UST: variants seen among roughly 807,000 people sequenced by gnomAD.
The protein encoded by UST is uronyl 2-sulfotransferase.
A neutral mutation model predicts 45.6 loss-of-function variants in UST; 21 were observed. The ratio of observed to expected loss-of-function variants is 0.46; its 90% confidence interval spans 0.33 to 0.66. The LOEUF (loss-of-function observed/expected upper bound fraction) is 0.66, where lower values mean the gene tolerates loss of function less well. UST is among the 30% of genes least tolerant of loss of function. The pLI is 0.02. For missense variants in UST, 463 were observed against 512.4 expected (o/e 0.90, Z 0.93); for synonymous variants, 215 against 200.6 (o/e 1.07, Z -0.61).
chr6:148,797,658 G>A (rs1166954715), intron 1 of UST, among the ~76,000 whole-genome samples: 2 of 152,230 alleles, frequency 1.3e-5, no homozygotes, highest in African/African-American at 2.4e-5. Flanking sequence ...TGGGAGCGTA[G>A]AGGGGTGGTA....
chr6:149,026,270 C>G (rs183398555), intron 7 of UST, among the ~76,000 whole-genome samples: 2 of 151,820 alleles, frequency 1.3e-5, no homozygotes, highest in African/African-American at 4.8e-5. Context: ...CTATGATGAT[C>G]GCACCCATTG....
At chr6:149,026,776 T>C (rs7748978) in intron 7 of UST, among the ~76,000 whole-genome samples, 109,554 of 152,138 alleles carry the variant, frequency 0.72, 40,204 homozygotes, top group African/African-American at 0.84. Context: ...ATCCTTTTAC[T>C]TTGTGTTTTA....
intron 7 of UST, among the ~76,000 whole-genome samples, chr6:149,052,411 G>A (rs1776500620): frequency 6.6e-6 from 1 of 152,106 alleles, no homozygotes; most frequent in Admixed American, 6.5e-5. Flanking sequence ...TTAATCCTAA[G>A]AACAACCCTG....
chr6:148,824,449 G>A (rs1342867377), intron 1 of UST, among the ~76,000 whole-genome samples: 1 of 152,152 alleles, frequency 6.6e-6, no homozygotes, highest in Admixed American at 6.5e-5. Flanking sequence ...TGAAGACTTA[G>A]ACTGTGCAGT....
intron 7 of UST, among the ~76,000 whole-genome samples, chr6:149,029,484 ATAAT>A (rs1272483079): frequency 2.1e-5 from 3 of 145,578 alleles, no homozygotes; most frequent in Non-Finnish European, 4.5e-5. Flanking sequence ...TAATGTATAT[ATAAT>A]ATATAATGTA....
At chr6:148,793,866 C>T (rs1776898407) in intron 1 of UST, among the ~76,000 whole-genome samples, 1 of 152,064 alleles carries the variant, frequency 6.6e-6, no homozygotes, top group Non-Finnish European at 1.5e-5. Context: ...TTGCATATAC[C>T]ACCTTCCATT....
intron 7 of UST, among the ~76,000 whole-genome samples, chr6:149,043,521 G>C (rs1776357270): frequency 6.6e-6 from 1 of 152,252 alleles, no homozygotes; most frequent in Non-Finnish European, 1.5e-5. Context: ...GAGCATTCCA[G>C]TCTGTGTGGA....
At chr6:148,754,748 T>G (rs1776062766) in intron 1 of UST, among the ~76,000 whole-genome samples, 1 of 152,228 alleles carries the variant, frequency 6.6e-6, no homozygotes, top group African/African-American at 2.4e-5. Flanking sequence ...TTATGTATTG[T>G]TCACTATATT....
intron 5 of UST, among the ~76,000 whole-genome samples, chr6:148,988,877 A>G (rs1348191113): frequency 6.6e-6 from 1 of 152,008 alleles, no homozygotes; most frequent in African/African-American, 2.4e-5. Context: ...GCTCCTGTTA[A>G]TTCACTGATC....
rs202000728 is a variant in UST, at chr6:148,909,167, T to TA, written c.291+22142dup. 5.9e-3 allele frequency among the ~76,000 whole-genome samples: 901 copies of TA among 152,366 alleles called. 9 individuals are homozygous for TA. The highest frequency in any genetic ancestry group is 0.02 in the African/African-American group (844 of 41,582). ...CTCTTTGAGAATAAGTATATTTTGG[T>TA]AAAATTCCTCTTCAGTTCACTTTGT... On this transcript the variant is annotated intron_variant, in intron 2 of 7. Transcript: ENST00000367463.
At chr6:149,024,360 G>C (rs541858741) in intron 7 of UST, among the ~76,000 whole-genome samples, 1 of 152,300 alleles carries the variant, frequency 6.6e-6, no homozygotes, top group African/African-American at 2.4e-5. Context: ...AACTCTCTCA[G>C]CTGCCACACA....
At chr6:148,908,458 C>T (rs1779409667) in intron 2 of UST, among the ~76,000 whole-genome samples, 1 of 152,054 alleles carries the variant, frequency 6.6e-6, no homozygotes, top group Admixed American at 6.5e-5. Context: ...AAATCTTGGG[C>T]GTTTGGTGGT....
intron 1 of UST, among the ~76,000 whole-genome samples, chr6:148,827,443 A>G (rs904034896): frequency 2.6e-5 from 4 of 152,042 alleles, no homozygotes; most frequent in African/African-American, 9.7e-5. Context: ...TCATAGTGAA[A>G]CCTTGTCTCT....
intron 5 of UST, among the ~76,000 whole-genome samples, chr6:148,992,555 A>G (rs1781376232): frequency 6.6e-6 from 1 of 152,206 alleles, no homozygotes; most frequent in African/African-American, 2.4e-5. Flanking sequence ...GCTAGATTAA[A>G]TGGCAAATAC....
At chr6:148,804,438 CT>C (rs1340914437) in intron 1 of UST, among the ~76,000 whole-genome samples, 1 of 152,136 alleles carries the variant, frequency 6.6e-6, no homozygotes, top group East Asian at 1.9e-4. Context: ...TAAGGCCACC[CT>C]TGGTGACTGC....
chr6:149,055,089 G>A (rs1413244541), intron 7 of UST, among the ~76,000 whole-genome samples: 1 of 152,034 alleles, frequency 6.6e-6, no homozygotes, highest in African/African-American at 2.4e-5. Context: ...GGTTACCTCA[G>A]CATAGACCAA....
chr6:148,803,289 G>A (rs1170576187), intron 1 of UST, among the ~76,000 whole-genome samples: 1 of 152,036 alleles, frequency 6.6e-6, no homozygotes, highest in African/African-American at 2.4e-5. Flanking sequence ...CTTAGGCATG[G>A]TATCAAACTG....
At chr6:149,000,282 A>C (rs1781523206) in intron 5 of UST, among the ~76,000 whole-genome samples, 1 of 152,236 alleles carries the variant, frequency 6.6e-6, no homozygotes, top group African/African-American at 2.4e-5. Flanking sequence ...CAAACTCACA[A>C]GTAAGAAGTG....
At chr6:148,936,898 T>A (rs907644748) in intron 2 of UST, among the ~76,000 whole-genome samples, 6 of 152,098 alleles carry the variant, frequency 3.9e-5, no homozygotes, top group African/African-American at 1.4e-4. Context: ...TTTCACCGTG[T>A]TGGCCAGGCT....
Sources: gnomAD v4.1 joint callset for allele counts (sites outside exome capture counted in the v4.1 genomes callset) on GRCh38, gnomAD v4.1.1 for gene constraint, MANE v1.5 for transcripts, NCBI Gene and HGNC (gene_info 2026-07-23, HGNC 2026-07-21) for gene names.